The following IAH1 variants were observed in gnomAD, a reference collection of about 807,000 sequenced individuals.
IAH1 encodes the protein isoamyl acetate-hydrolyzing esterase 1 homolog.
In IAH1, 24 loss-of-function variants were observed where a neutral mutation model predicts 26.7. The ratio of observed to expected loss-of-function variants is 0.90; its 90% confidence interval spans 0.65 to 1.26. IAH1 has a LOEUF of 1.26. Ranked by LOEUF, IAH1 falls within the 50% of genes most tolerant of loss-of-function variation. The pLI is 0.00. For synonymous variants in IAH1, 140 were observed against 118.5 expected, an observed-to-expected ratio of 1.18 and a Z score of -1.18; for missense variants, 300 against 299.9, an observed-to-expected ratio of 1.00 and a Z score of 0.00.
At chr2:9,507,219 G>A in the IAH1 span, among the ~76,000 whole-genome samples, 9 of 152,274 alleles carry the variant, frequency 5.9e-5, no homozygotes, top group East Asian at 1.9e-4. Context: ...GCTGGGCACA[G>A]CAGCTCATGC....
chr2:9,505,222 C>T, the IAH1 span: 2 of 1,614,188 alleles, frequency 1.2e-6, no homozygotes, highest in Non-Finnish European at 1.7e-6. Context: ...TGTCGTTGTT[C>T]AGATACATGA....
At chr2:9,510,197 G>C in the IAH1 span, 1 of 1,557,176 alleles carries the variant, frequency 6.4e-7, no homozygotes, top group South Asian at 1.1e-5. Flanking sequence ...CTGCCAGTTG[G>C]GCCTATGCTG....
chr2:9,493,000 C>T (rs973061329), downstream of IAH1: 1 of 1,599,412 alleles, frequency 6.3e-7, no homozygotes, highest in East Asian at 2.3e-5. Context: ...TGAACAATTC[C>T]AAACAGTTAA....
chr2:9,506,069 G>A, the IAH1 span, among the ~76,000 whole-genome samples: 1 of 151,982 alleles, frequency 6.6e-6, no homozygotes, highest in Admixed American at 6.6e-5. Context: ...CTAAAACTGC[G>A]GTCATTTTCC....
Position 9,488,229 on chromosome 2 carries a change from T to C in IAH1, c.647T>C (p.Ile216Thr). 1 of 1,613,540 alleles carries C rather than the reference T, an allele frequency of 6.2e-7. No individual in the cohort carries two copies. Reference protein sequence around the residue: ...EFLFSHLWPLIEKKVSSLPLL... With the variant: ...EFLFSHLWPLTEKKVSSLPLL... ...TTGTTCTCGCATCTCTGGCCTTTGA[T>C]AGAGAAAAAGGTCTCTTCTCTACCT... Residue 216 changes from isoleucine to threonine, a missense_variant, in exon 6 of 6, where the codon ATA (isoleucine) becomes ACA (threonine). Transcript: ENST00000497473.
chr2:9,504,634 G>A, the IAH1 span, among the ~76,000 whole-genome samples: 9 of 148,984 alleles, frequency 6.0e-5, no homozygotes, highest in South Asian at 2.1e-4. Flanking sequence ...ATGGTGGTGC[G>A]TGCCTGTAGT....
chr2:9,490,185 CTG>C (rs1222616180), downstream of IAH1: 4 of 1,592,776 alleles, frequency 2.5e-6, no homozygotes, highest in Non-Finnish European at 8.6e-7. Flanking sequence ...AATTAGCACT[CTG>C]TTTCTTTGCT....
chr2:9,491,024 TG>T, downstream of IAH1: 2 of 1,324,264 alleles, frequency 1.5e-6, no homozygotes, highest in Non-Finnish European at 2.1e-6. Flanking sequence ...AAGCTCTTGC[TG>T]GGTCAGGTGA....
In IAH1 at chr2:9,487,809, T is replaced by TGC. The variant is rs1661633271; in HGVS notation, c.565-337_565-336insCG. 3.6e-4 allele frequency among the ~76,000 whole-genome samples: 33 copies of TGC among 92,852 alleles called. No homozygotes were observed. The South Asian group carries it at 7.5e-3, about 21-fold the overall frequency. The allele number at this position is 92,852 out of a possible 152,430, so 60.9% of individuals were successfully genotyped here. On this transcript the variant is annotated intron_variant, in intron 5 of 5. Transcript: ENST00000497473. ...CTTTTTGTGTGTGTGTGTGTGTGTG[T>TGC]GTGTGTGTGTGTGTGTGTGTGTGTG... is the stretch of plus-strand genomic sequence containing the variant.
the IAH1 span, chr2:9,510,097 T>C: frequency 1.2e-6 from 2 of 1,614,106 alleles, no homozygotes; most frequent in Non-Finnish European, 1.7e-6. Context: ...TCCAAAATTA[T>C]GTCCCAATTC....
Position 9,484,466 on chromosome 2 carries a change from T to C in IAH1, c.480T>C (p.Gly160=). The change falls in exon 5 of 6, where the codon GGT becomes GGC. Residue 160 remains glycine (G), a synonymous_variant. Coordinates refer to ENST00000497473, the MANE Select transcript of IAH1 (RefSeq NM_001039613.3). Reference sequence around the variant, plus strand: ...TAAATCGCCTGAACTCTGTTGTTGGTGAATATGCCAATGCGTGTTTACAAG... The same window carrying C: ...TAAATCGCCTGAACTCTGTTGTTGGCGAATATGCCAATGCGTGTTTACAAG... ...CKLNRLNSVV[G]EYANACLQVA... is the part of the protein sequence containing the mutation. 1 of 1,614,162 alleles carries C rather than the reference T, an allele frequency of 6.2e-7. No individual in the cohort carries two copies. The highest frequency in any genetic ancestry group is 8.5e-7 in the Non-Finnish European group (1 of 1,180,008).
At chr2:9,475,587 G>A (rs1204540108) in intron 1 of IAH1, 2 of 231,782 alleles carry the variant, frequency 8.6e-6, no homozygotes, top group African/African-American at 2.3e-5. Context: ...TGCAAGCTCC[G>A]CCTCCCGGAT....
At chr2:9,510,052 G>A in the IAH1 span, 1 of 1,614,048 alleles carries the variant, frequency 6.2e-7, no homozygotes, top group Non-Finnish European at 8.5e-7. Context: ...CTCATTCGGG[G>A]CACATTCTGC....
At chr2:9,494,936 T>TCACACTCCTCAGCCTTCAGTGACAGAGGC (rs1258782702) in intron 6 of IAH1, 1 of 706,716 alleles carries the variant, frequency 1.4e-6, no homozygotes, top group Non-Finnish European at 2.2e-6. Context: ...GTTTCTGAGG[T>TCACACTCCTCAGCCTTCAGTGACAGAGGC]CACACTCCTC....
chr2:9,474,910 CCCGCG>C lies in IAH1; in HGVS notation c.81+268_81+272del, dbSNP rs1169968416. On this transcript the variant is annotated intron_variant, in intron 1 of 5. Coordinates refer to ENST00000497473, the MANE Select transcript of IAH1 (RefSeq NM_001039613.3). This position sits in a 1 kb window ranked among gnomAD's most constrained non-coding sequence, Gnocchi z 4.3. ...GAGGGGACCCGGCCGCGCTGCCCGCCCCGCGCCGCCTCCCACCCGGGTCGAGATGC... is the reference window on the plus strand; with the variant it reads ...GAGGGGACCCGGCCGCGCTGCCCGCCCCGCCTCCCACCCGGGTCGAGATGC... 1.5e-6 allele frequency: 1 copy of C among 687,342 alleles called. No homozygotes were observed. Among genetic ancestry groups the C allele is most frequent in the African/African-American group, 1.9e-5 (1 of 51,536 alleles). 42.6% of individuals were successfully genotyped at this position (687,342 alleles called of 1,614,324 possible). A position where few individuals can be genotyped will look rare whatever the true frequency, so the allele number is the denominator to read the frequency against.
downstream of IAH1, among the ~76,000 whole-genome samples, chr2:9,497,979 C>A (rs1371945777): frequency 6.6e-6 from 1 of 152,158 alleles, no homozygotes; most frequent in Admixed American, 6.5e-5. Context: ...TATCTCCAAT[C>A]CCTATCATAT....
the IAH1 span, chr2:9,510,182 T>C: frequency 3.7e-6 from 6 of 1,600,502 alleles, no homozygotes; most frequent in African/African-American, 8.0e-5. Context: ...AGCCATCACC[T>C]ACTTCTGCCA....
downstream of IAH1, among the ~76,000 whole-genome samples, chr2:9,499,495 G>A (rs1257475352): frequency 2.6e-5 from 4 of 151,826 alleles, no homozygotes; most frequent in Admixed American, 2.6e-4. Flanking sequence ...TCCGCCTCCC[G>A]GGTTCACGCC....
chr2:9,507,756 G>C, the IAH1 span, among the ~76,000 whole-genome samples: 3 of 152,008 alleles, frequency 2.0e-5, no homozygotes, highest in East Asian at 3.9e-4. Flanking sequence ...GTCTCACTCT[G>C]TCATCCAGGC....
Sources: gnomAD v4.1 joint callset for allele counts (sites outside exome capture counted in the v4.1 genomes callset) on GRCh38, gnomAD v4.1.1 for gene constraint, Gnocchi (gnomAD v3.1) non-coding constraint, MANE v1.5 for transcripts, NCBI Gene and HGNC (gene_info 2026-07-23, HGNC 2026-07-21) for gene names.